The following NPY variants were observed in gnomAD, a reference collection of about 807,000 sequenced individuals.
NPY encodes neuropeptide Y, also known as pro-neuropeptide Y.
NPY carries 11 observed loss-of-function variants against 13.2 expected under a neutral mutation model. The ratio of observed to expected loss-of-function variants is 0.83; its 90% CI spans 0.52 to 1.38. The LOEUF (loss-of-function observed/expected upper bound fraction) is 1.38. Among genes scored for constraint, NPY ranks in the 40% most tolerant of loss-of-function variants. NPY has a pLI of 0.00. For synonymous variants in NPY, 51 were observed against 55.6 expected (o/e 0.92, Z 0.37); for missense variants, 109 against 125.1 (o/e 0.87, Z 0.61).
At chr7:24,290,775 A>AATAATAATAAT (rs10701264) in intron 3 of NPY, among the ~76,000 whole-genome samples, 1 of 129,638 alleles carries the variant, frequency 7.7e-6, no homozygotes, top group African/African-American at 2.9e-5. Context: ...TAATAATAAT[A>AATAATAATAAT]ATTATTATTA....
intron 3 of NPY, 65 bp downstream of exon 3, chr7:24,289,644 G>A (rs1279054453): frequency 2.3e-6 from 3 of 1,307,210 alleles, no homozygotes; most frequent in African/African-American, 3.0e-5. Flanking sequence ...AGGGAAGTCA[G>A]AGACAGGTGC....
intron 3 of NPY, 137 bp downstream of exon 3, chr7:24,289,716 G>GA: frequency 1.9e-6 from 1 of 526,026 alleles, no homozygotes; most frequent in Non-Finnish European, 3.3e-6. Flanking sequence ...TGAGGATGAA[G>GA]AAGCAGGCAG....
intron 2 of NPY, among the ~76,000 whole-genome samples, chr7:24,286,677 G>A (rs1448972586): frequency 1.3e-5 from 2 of 152,100 alleles, no homozygotes; most frequent in East Asian, 1.9e-4. Context: ...ACATGAAAAT[G>A]CCAGAATTAA....
At chr7:24,284,965 T>A (rs1787298270) in intron 1 of NPY, 1 of 546,910 alleles carries the variant, frequency 1.8e-6, no homozygotes, top group East Asian at 3.2e-5. Context: ...GCCCCCACCT[T>A]GCACTCTCGC....
At chr7:24,287,958 A>G (rs766104407) in intron 2 of NPY, among the ~76,000 whole-genome samples, 61 of 152,328 alleles carry the variant, frequency 4.0e-4, no homozygotes, top group Non-Finnish European at 6.5e-4. Context: ...TCTAATGTGC[A>G]GCCAGGTTTG....
Position 24,285,278 on chromosome 7 carries a change from C to T in NPY, c.38C>T (p.Thr13Ile). The T allele has an allele frequency of 6.2e-7, 1 of 1,614,080 alleles. No homozygotes were observed. Among genetic ancestry groups the T allele is most frequent in the Non-Finnish European group, 8.5e-7 (1 of 1,179,994 alleles). ...GNKRLGLSGLTLALSLLVCLG... is the reference protein window; with the variant it reads ...GNKRLGLSGLILALSLLVCLG... The stretch of plus-strand genomic sequence containing the variant: ...AAGCGACTGGGGCTGTCCGGACTGA[C>T]CCTCGCCCTGTCCCTGCTCGTGTGC... Residue 13 changes from threonine (T) to isoleucine (I), a missense_variant, in exon 2 of 4, where the codon ACC (threonine) becomes ATC (isoleucine). Physicochemically the swap from Thr to Ile is moderately conservative, Grantham distance 89. Coordinates refer to ENST00000242152, the MANE Select transcript of NPY (RefSeq NM_000905.4). This position sits in a 1 kb window ranked among gnomAD's most constrained non-coding sequence, Gnocchi z 4.9.
Position 24,285,467 on chromosome 7 carries a change from G to T in NPY, c.188+39G>T. On this transcript the variant is annotated intron_variant, in intron 2 of 3. Coordinates refer to ENST00000242152, the MANE Select transcript of NPY (RefSeq NM_000905.4). The surrounding 1 kb of genome is among the most constrained non-coding windows in gnomAD (Gnocchi z 4.9). ...CGGGACCGATTCCGGGAGCGCCAGTGCCTGCACACCAGGAGATCCTGGGGA... is the reference window on the plus strand; with the variant it reads ...CGGGACCGATTCCGGGAGCGCCAGTTCCTGCACACCAGGAGATCCTGGGGA... 6.3e-7 allele frequency: 1 copy of T among 1,587,330 alleles called. No individual in the cohort carries two copies. Among genetic ancestry groups the T allele is most frequent in the Non-Finnish European group, 8.6e-7 (1 of 1,160,508 alleles).
Position 24,291,712 on chromosome 7 carries a change from C to T in NPY, c.*25C>T, listed in dbSNP as rs774924275. 7 of 1,613,786 alleles carry T rather than the reference C, an allele frequency of 4.3e-6. No individual in the cohort carries two copies. Among genetic ancestry groups the T allele is most frequent in the East Asian group, 2.2e-5 (1 of 44,894 alleles). On this transcript the variant is annotated 3_prime_UTR_variant, in exon 4 of 4. Coordinates refer to ENST00000242152, the MANE Select transcript of NPY (RefSeq NM_000905.4). ...ATGGGAAATGAGACTTGCTCTCTGG[C>T]CTTTTCCTATTTTCAGCCCATATTT... is the stretch of plus-strand genomic sequence containing the variant.
intron 3 of NPY, among the ~76,000 whole-genome samples, chr7:24,291,070 A>C (rs1787583217): frequency 6.6e-6 from 1 of 152,100 alleles, no homozygotes; most frequent in Non-Finnish European, 1.5e-5. Context: ...ACGCAGACCT[A>C]CTTAGAACCT....
intron 3 of NPY, among the ~76,000 whole-genome samples, chr7:24,290,775 A>AATAATT (rs10701264): frequency 2.2e-4 from 28 of 129,632 alleles, no homozygotes; most frequent in East Asian, 6.9e-4. Context: ...TAATAATAAT[A>AATAATT]ATTATTATTA....
In NPY at chr7:24,285,143, G is replaced by C. The variant is rs1202907809; in HGVS notation, c.1-98G>C. On this transcript the variant is annotated intron_variant, in intron 1 of 3. Transcript: ENST00000242152. This position sits in a 1 kb window ranked among gnomAD's most constrained non-coding sequence, Gnocchi z 4.9. ...CGAGAGCGGATTGGGGGTCGCGTGT[G>C]GTAGCAGGAGGAGGAGCGCGGGGGG... 1 of 1,256,972 alleles carries C rather than the reference G, an allele frequency of 8.0e-7. No homozygotes were observed. Among genetic ancestry groups the C allele is most frequent in the Non-Finnish European group, 1.1e-6 (1 of 871,172 alleles). 77.9% of individuals were successfully genotyped at this position (1,256,972 alleles called of 1,614,324 possible). A position where few individuals can be genotyped will look rare whatever the true frequency, so the allele number is the denominator to read the frequency against.
chr7:24,287,221 T>G (rs755956869), intron 2 of NPY, among the ~76,000 whole-genome samples: 1 of 152,164 alleles, frequency 6.6e-6, no homozygotes, highest in Non-Finnish European at 1.5e-5. Flanking sequence ...TGGCAAGAGA[T>G]TCAGCTTAGA....
chr7:24,291,512 A>G (rs1787607814), intron 3 of NPY, 151 bp from the exon 4 acceptor site: 1 of 817,670 alleles, frequency 1.2e-6, no homozygotes. Flanking sequence ...ACGATCTGAT[A>G]TTCCACATGG....
chr7:24,284,249 CCCAGCCACGCCCGCGCG>C lies in NPY; in HGVS notation c.-18_-2del, dbSNP rs535870237. Reference sequence around the variant, plus strand: ...TCGCCCGACAGCATAGTACTTGCCGCCCAGCCACGCCCGCGCGCCAGCCACCGTGAGTGCTACGACCC... The same window carrying C: ...TCGCCCGACAGCATAGTACTTGCCGCCCAGCCACCGTGAGTGCTACGACCC... On this transcript the variant is annotated 5_prime_UTR_variant, in exon 1 of 4. Coordinates refer to ENST00000242152, the MANE Select transcript of NPY (RefSeq NM_000905.4). 152 of 153,288 alleles carry C rather than the reference CCCAGCCACGCCCGCGCG, an allele frequency of 9.9e-4. No homozygotes were observed. The highest frequency in any genetic ancestry group is 3.4e-3 in the African/African-American group (141 of 41,604). 9.5% of individuals were successfully genotyped at this position (153,288 alleles called of 1,614,324 possible).
At chr7:24,286,447 C>T (rs1787383003) in intron 2 of NPY, among the ~76,000 whole-genome samples, 1 of 152,070 alleles carries the variant, frequency 6.6e-6, no homozygotes, top group African/African-American at 2.4e-5. Context: ...TGTTAGTTAA[C>T]ATGTTTAAAT....
intron 3 of NPY, among the ~76,000 whole-genome samples, chr7:24,291,231 T>C (rs4719762): frequency 1.3e-5 from 2 of 152,180 alleles, no homozygotes; most frequent in Non-Finnish European, 2.9e-5. Flanking sequence ...TATTTTATTA[T>C]AAAGGTCTTA....
intron 3 of NPY, among the ~76,000 whole-genome samples, chr7:24,289,820 G>A (rs1461303308): frequency 1.3e-5 from 2 of 152,208 alleles, no homozygotes; most frequent in African/African-American, 2.4e-5. Flanking sequence ...CTCCTTTGAC[G>A]ATTTTAAAAA....
intron 2 of NPY, among the ~76,000 whole-genome samples, chr7:24,288,614 G>A (rs1787477279): frequency 6.7e-6 from 1 of 149,882 alleles, no homozygotes; most frequent in Admixed American, 6.8e-5. Context: ...CTGGAGTGGG[G>A]AGCATATACT....
intron 3 of NPY, among the ~76,000 whole-genome samples, chr7:24,290,922 G>A (rs959809427): frequency 4.0e-5 from 6 of 151,858 alleles, no homozygotes; most frequent in African/African-American, 1.5e-4. Flanking sequence ...TTACAGTTGT[G>A]AGCCATAATG....
Sources: gnomAD v4.1 joint callset for allele counts (sites outside exome capture counted in the v4.1 genomes callset) on GRCh38, gnomAD v4.1.1 for gene constraint, Gnocchi (gnomAD v3.1) non-coding constraint, MANE v1.5 for transcripts, NCBI Gene and HGNC (gene_info 2026-07-23, HGNC 2026-07-21) for gene names.